The following PCDHA8 variants were observed in gnomAD, a reference collection of about 807,000 sequenced individuals.
PCDHA8 encodes protocadherin alpha 8.
PCDHA8 carries 53 observed loss-of-function variants against 61.8 expected under a neutral mutation model. That is an observed-to-expected ratio of 0.86 (90% CI 0.69 to 1.08). The LOEUF (loss-of-function observed/expected upper bound fraction) is 1.08. Ranked by LOEUF, PCDHA8 falls within the 50% of genes least tolerant of loss-of-function variation. PCDHA8 has a pLI of 0.00. For missense variants in PCDHA8, 1,293 were observed against 1,245.0 expected (o/e 1.04, Z -0.58); for synonymous variants, 618 against 556.6 (o/e 1.11, Z -1.55).
At chr5:141,003,502 G>C (rs1384211644) in intron 3 of PCDHA8, among the ~76,000 whole-genome samples, 3 of 151,992 alleles carry the variant, frequency 2.0e-5, no homozygotes, top group African/African-American at 2.4e-5. Context: ...TAGTAGAGAT[G>C]GGGTTTCACC....
chr5:140,970,527 ATG>A (rs1270257257), intron 1 of PCDHA8, among the ~76,000 whole-genome samples: 2 of 151,436 alleles, frequency 1.3e-5, no homozygotes, highest in African/African-American at 4.9e-5. Context: ...GTAGATGAAT[ATG>A]TGTGTGTGTT....
In PCDHA8 at chr5:140,857,500, G is replaced by A; in HGVS notation, c.2394+13785G>A. On this transcript the variant is annotated intron_variant, in intron 1 of 3. Transcript: ENST00000531613. The stretch of plus-strand genomic sequence containing the variant: ...TGTCTGCGTGGGACGCGGACGCGCA[G>A]GAGAACGCCCTGGTGTCCTACTCTC... 1.3e-6 allele frequency: 2 copies of A among 1,598,362 alleles called. 1 individual carries two copies. Among genetic ancestry groups the A allele is most frequent in the Non-Finnish European group, 1.7e-6 (2 of 1,167,860 alleles).
rs1167217103 is a variant in PCDHA8, at chr5:140,852,143, C to G, written c.2394+8428C>G. 4 of 873,950 alleles carry G rather than the reference C, an allele frequency of 4.6e-6. No individual in the cohort carries two copies. The African/African-American group carries it at 7.3e-5, about 16-fold the overall frequency. 54.1% of individuals were successfully genotyped at this position (873,950 alleles called of 1,614,324 possible). A position where few individuals can be genotyped will look rare whatever the true frequency, so the allele number is the denominator to read the frequency against. ...AATTAAAAACTCAGTAGAGAAAGAT[C>G]AGAATGGCCTTGAGAATAGAGCCAC... is the stretch of plus-strand genomic sequence containing the variant. On this transcript the variant is annotated intron_variant, in intron 1 of 3. Transcript: ENST00000531613.
rs552517946 is a variant in PCDHA8 at position 140,913,359 on chromosome 5, A to G, written c.2395-65590A>G. Reference sequence around the variant, plus strand: ...TTTATCCATTTCCTCTAGATTTTTAAATTTATTGGCATATAGTGGCTCATC... The same window carrying G: ...TTTATCCATTTCCTCTAGATTTTTAGATTTATTGGCATATAGTGGCTCATC... On this transcript the variant is annotated intron_variant, in intron 1 of 3. Coordinates refer to ENST00000531613, the MANE Select transcript of PCDHA8 (RefSeq NM_018911.3). Among the ~76,000 whole-genome samples, 4 of 152,082 alleles carry G rather than the reference A, an allele frequency of 2.6e-5. No homozygotes were observed. In the East Asian group the frequency reaches 7.7e-4, roughly 29 times the overall value.
chr5:140,851,265 CTTGTA>C, intron 1 of PCDHA8: 1 of 1,075,054 alleles, frequency 9.3e-7, no homozygotes, highest in Non-Finnish European at 1.2e-6. Flanking sequence ...TTTTAGTCTA[CTTGTA>C]TTGTTTATAA....
rs56843453 is a variant in PCDHA8 at position 141,000,391 on chromosome 5, C to A, written c.2543-9236C>A. Reference sequence around the variant, plus strand: ...TCTCTCTCTCTCTCTCTCTCTCTCTCTCTCTATATATATATATATATATAT... The same window carrying A: ...TCTCTCTCTCTCTCTCTCTCTCTCTATCTCTATATATATATATATATATAT... On this transcript the variant is annotated intron_variant, in intron 3 of 3. Transcript: ENST00000531613. Among the ~76,000 whole-genome samples the A allele has an allele frequency of 8.6e-3, 487 of 56,544 alleles. 1 individual carries two copies. Among genetic ancestry groups the A allele is most frequent in the Non-Finnish European group, 9.4e-3 (310 of 32,842 alleles). The allele number at this position is 56,544 out of a possible 152,430, so 37.1% of individuals were successfully genotyped here.
intron 1 of PCDHA8, chr5:140,850,222 C>T (rs1554144012): frequency 6.3e-7 from 1 of 1,593,746 alleles, no homozygotes; most frequent in East Asian, 2.2e-5. Flanking sequence ...ACTGACGGCG[C>T]AGTGAGCGAG....
At chr5:140,924,175 A>G (rs1179259744) in intron 1 of PCDHA8, among the ~76,000 whole-genome samples, 4 of 152,244 alleles carry the variant, frequency 2.6e-5, no homozygotes, top group Non-Finnish European at 5.9e-5. Context: ...CTGGCACTGA[A>G]GCAGAAAATT....
intron 1 of PCDHA8, chr5:140,858,022 G>A (rs1554151044): frequency 1.3e-6 from 2 of 1,597,054 alleles, no homozygotes; most frequent in Non-Finnish European, 8.6e-7. Flanking sequence ...AGCCGTCGCT[G>A]ACGGCCACGG....
intron 3 of PCDHA8, among the ~76,000 whole-genome samples, chr5:140,995,413 C>T (rs1554254672): frequency 6.6e-6 from 1 of 152,176 alleles, no homozygotes; most frequent in East Asian, 1.9e-4. Flanking sequence ...GATTTCATCA[C>T]ATTACTCAGA....
At chr5:140,850,125 C>T (rs2041366317) in intron 1 of PCDHA8, 1 of 1,596,002 alleles carries the variant, frequency 6.3e-7, no homozygotes, top group Non-Finnish European at 8.6e-7. Context: ...GGGCGTGCCG[C>T]CTCTGGGCAG....
intron 1 of PCDHA8, among the ~76,000 whole-genome samples, chr5:140,901,955 G>A (rs2069015305): frequency 6.6e-6 from 1 of 151,848 alleles, no homozygotes; most frequent in Admixed American, 6.6e-5. Flanking sequence ...TTTTATTCGT[G>A]GCTATCGTAA....
At chr5:140,850,051 C>A in intron 1 of PCDHA8, 1 of 1,596,418 alleles carries the variant, frequency 6.3e-7, no homozygotes, top group Non-Finnish European at 8.6e-7. Flanking sequence ...AAGGTGTACG[C>A]GCTGCAGCCG....
intron 1 of PCDHA8, among the ~76,000 whole-genome samples, chr5:140,908,078 A>T (rs1047293736): frequency 6.6e-6 from 1 of 152,202 alleles, no homozygotes; most frequent in Non-Finnish European, 1.5e-5. Context: ...AAAGTGCACA[A>T]CCAGGTGCAC....
chr5:140,926,629 G>A, intron 1 of PCDHA8: 1 of 406,364 alleles, frequency 2.5e-6, no homozygotes, highest in African/African-American at 2.1e-5. Context: ...GCGGCGCTGC[G>A]CTCCTCAACA....
At chr5:140,917,211 C>T (rs938458701) in intron 1 of PCDHA8, among the ~76,000 whole-genome samples, 3 of 151,636 alleles carry the variant, frequency 2.0e-5, no homozygotes, top group Non-Finnish European at 2.9e-5. Context: ...TTCAATGCCT[C>T]TTTTAGTGAT....
chr5:140,905,437 C>T (rs190555934), intron 1 of PCDHA8, among the ~76,000 whole-genome samples: 1 of 152,130 alleles, frequency 6.6e-6, no homozygotes, highest in Non-Finnish European at 1.5e-5. Flanking sequence ...ATAACTACAG[C>T]CTTTTAGTAT....
In PCDHA8 at chr5:140,857,915, G is replaced by A. The variant is rs1265955881; in HGVS notation, c.2394+14200G>A. The A allele has an allele frequency of 4.6e-5, 74 of 1,597,796 alleles. 10 individuals carry two copies. The highest frequency in any genetic ancestry group is 6.0e-5 in the Non-Finnish European group (70 of 1,167,592). On this transcript the variant is annotated intron_variant, in intron 1 of 3. Transcript: ENST00000531613. ...GGTTGGTGCACGCATCCCGTTTCGC[G>A]TGGGGCTGTACACGGGCGAGATCAG...
chr5:140,872,003 A>G (rs1314439086), intron 1 of PCDHA8, among the ~76,000 whole-genome samples: 1 of 152,202 alleles, frequency 6.6e-6, no homozygotes, highest in South Asian at 2.1e-4. Context: ...GGCTATTTAC[A>G]GGTGACCTGT....
Sources: gnomAD v4.1 joint callset for allele counts (sites outside exome capture counted in the v4.1 genomes callset) on GRCh38, gnomAD v4.1.1 for gene constraint, MANE v1.5 for transcripts, NCBI Gene and HGNC (gene_info 2026-07-23, HGNC 2026-07-21) for gene names.